Variants in USP37 observed in about 807,000 individuals in gnomAD.
USP37 encodes ubiquitin specific peptidase 37, also known as ubiquitin carboxyl-terminal hydrolase 37.
USP37 carries 27 observed loss-of-function variants against 124.0 expected under a neutral mutation model. That is an observed-to-expected ratio of 0.22 (90% CI 0.16 to 0.30). USP37 has a LOEUF of 0.30. USP37 is among the 10% of genes least tolerant of loss of function. USP37 has a pLI of 1.00. For missense variants in USP37, 889 were observed against 1,140.4 expected, an observed-to-expected ratio of 0.78 and a Z score of 3.17; for synonymous variants, 365 against 388.0, an observed-to-expected ratio of 0.94 and a Z score of 0.70.
intron 12 of USP37, 30 bp from the exon 13 acceptor site, chr2:218,497,887 C>CAAA: frequency 6.2e-7 from 1 of 1,606,424 alleles, no homozygotes; most frequent in South Asian, 1.1e-5. Context: ...AAAGTTAGCA[C>CAAA]GTTTTACATG....
At chr2:218,552,479 C>A (rs1692720750) in intron 5 of USP37, among the ~76,000 whole-genome samples, 1 of 152,026 alleles carries the variant, frequency 6.6e-6, no homozygotes, top group Non-Finnish European at 1.5e-5. Context: ...CTTTGGCAGG[C>A]CAAGGAAGGT....
rs183065253 is a variant in USP37, at chr2:218,454,831, C to A, written c.*99G>T. On this transcript the variant is annotated 3_prime_UTR_variant, in exon 26 of 26. Transcript: ENST00000258399. Reference sequence around the variant, plus strand: ...GGCCCTGAGCTGTTTGTTGCTCCCGCATCAAGTAGAATTCCAAATTCTCCT... The same window carrying A: ...GGCCCTGAGCTGTTTGTTGCTCCCGAATCAAGTAGAATTCCAAATTCTCCT... The A allele has an allele frequency of 1.9e-6, 3 of 1,547,582 alleles. No homozygotes were observed. Among genetic ancestry groups the A allele is most frequent in the Non-Finnish European group, 2.6e-6 (3 of 1,151,848 alleles).
At position 218,515,732 on chromosome 2, in the gene USP37, A is replaced by G. The variant is rs140188487; in HGVS notation, c.864-5592T>C. Among the ~76,000 whole-genome samples the G allele has an allele frequency of 9.0e-3, 1,370 of 152,344 alleles. 15 individuals carry two copies. Among genetic ancestry groups the G allele is most frequent in the Non-Finnish European group, 0.013 (874 of 68,040 alleles). On this transcript the variant is annotated intron_variant, in intron 10 of 25. Transcript: ENST00000258399. ...TAAACTAAAGAGTTTCTGCACAGCA[A>G]AAGAAACTATCATCAGAGTGAACAG... is the stretch of plus-strand genomic sequence containing the variant.
intron 6 of USP37, among the ~76,000 whole-genome samples, chr2:218,548,028 AT>A (rs1232708797): frequency 1.3e-5 from 2 of 152,226 alleles, no homozygotes; most frequent in African/African-American, 4.8e-5. Flanking sequence ...AGGATAGGAA[AT>A]TTTAAAACTT....
intron 6 of USP37, among the ~76,000 whole-genome samples, chr2:218,549,110 G>T (rs1020917545): frequency 3.9e-5 from 6 of 152,218 alleles, no homozygotes; most frequent in African/African-American, 1.4e-4. Context: ...AATCTCAAGA[G>T]TTATGGTTAT....
chr2:218,508,823 T>C (rs1689822254), intron 11 of USP37, among the ~76,000 whole-genome samples: 1 of 152,194 alleles, frequency 6.6e-6, no homozygotes, highest in African/African-American at 2.4e-5. Flanking sequence ...TGCCAATATA[T>C]GAAGCATATA....
In USP37 at chr2:218,459,819, C is replaced by T; in HGVS notation, c.2614G>A (p.Glu872Lys). ...GCATTTCTTTTCAGTTCCTCAGCTT[C>T]AGCTTCTGTGTACTCCATATCAAAA... Reference protein sequence around the residue: ...DVFDMEYTEAEAEELKRNAET... With the variant: ...DVFDMEYTEAKAEELKRNAET... The change falls in exon 23 of 26, where the codon GAA becomes AAA. Residue 872 changes from glutamate (E) to lysine (K), a missense_variant. By Grantham distance (56) the Glu-to-Lys change is moderately conservative (BLOSUM62 1). Coordinates refer to ENST00000258399, the MANE Select transcript of USP37 (RefSeq NM_020935.3). 4 of 1,613,848 alleles carry T rather than the reference C, an allele frequency of 2.5e-6. No homozygotes were observed. Among genetic ancestry groups the T allele is most frequent in the African/African-American group, 1.3e-5 (1 of 75,036 alleles).
chr2:218,553,421 G>A (rs910099228), intron 5 of USP37, 132 bp downstream of exon 5: 1 of 805,326 alleles, frequency 1.2e-6, no homozygotes, highest in African/African-American at 1.8e-5. Context: ...TTGAATTTCA[G>A]GAATAAATCT....
At chr2:218,550,992 A>T (rs1180543919) in intron 5 of USP37, among the ~76,000 whole-genome samples, 1 of 152,060 alleles carries the variant, frequency 6.6e-6, no homozygotes, top group Non-Finnish European at 1.5e-5. Flanking sequence ...TTTATGTAAC[A>T]CCCAGAAAAG....
chr2:218,545,125 AG>A (rs2106042354), intron 8 of USP37, among the ~76,000 whole-genome samples: 2 of 152,336 alleles, frequency 1.3e-5, no homozygotes, highest in East Asian at 3.9e-4. Flanking sequence ...CAGTGGCTGT[AG>A]GGGCAAACTA....
intron 22 of USP37, among the ~76,000 whole-genome samples, chr2:218,461,985 C>T (rs1690036180): frequency 6.6e-6 from 1 of 152,110 alleles, no homozygotes; most frequent in Non-Finnish European, 1.5e-5. Flanking sequence ...GGTGAAACCT[C>T]ATCTCTACTA....
At position 218,474,790 on chromosome 2, in the gene USP37, C is replaced by G. The variant is rs1278561743; in HGVS notation, c.2139G>C (p.Leu713Phe). ...GTGAAGCATCTCTCTTACTTATCTC[C>G]AAGACAGCTGCTAGAAGCTCTTCTT... ...MSEEELLAAV[L>F]EISKRDASPS... Residue 713 changes from leucine (L) to phenylalanine (F), a missense_variant, in exon 20 of 26, where the codon TTG becomes TTC. Physicochemically the swap from Leu to Phe is conservative, Grantham distance 22. This residue lies in a region of USP37 where 504 missense variants were observed against 714.3 expected (regional missense o/e 0.71). Transcript: ENST00000258399. 1 of 1,614,002 alleles carries G rather than the reference C, an allele frequency of 6.2e-7. No individual in the cohort carries two copies. The highest frequency in any genetic ancestry group is 2.2e-5 in the East Asian group (1 of 44,888).
chr2:218,566,309 G>GGC (rs761741072), intron 1 of USP37, among the ~76,000 whole-genome samples: 2 of 152,152 alleles, frequency 1.3e-5, no homozygotes, highest in Non-Finnish European at 2.9e-5. Context: ...AAAGCAATGT[G>GGC]GCTACAGTTT....
intron 11 of USP37, among the ~76,000 whole-genome samples, chr2:218,502,215 T>C (rs1053946388): frequency 2.0e-5 from 3 of 151,992 alleles, no homozygotes; most frequent in African/African-American, 7.2e-5. Context: ...CTACTTAAAA[T>C]ATGCTCTACA....
intron 4 of USP37, among the ~76,000 whole-genome samples, chr2:218,554,598 G>T (rs1574961084): frequency 1.3e-5 from 2 of 152,096 alleles, no homozygotes; most frequent in South Asian, 4.1e-4. Context: ...AAGACAAAAA[G>T]TAGCCAGGCA....
At chr2:218,567,435 CAT>C (rs1205810370) in intron 1 of USP37, among the ~76,000 whole-genome samples, 1 of 152,164 alleles carries the variant, frequency 6.6e-6, no homozygotes, top group East Asian at 1.9e-4. Flanking sequence ...ATGACAAACA[CAT>C]ACACACACCG....
chr2:218,478,967 T>C (rs1448292062), intron 18 of USP37, among the ~76,000 whole-genome samples: 2 of 152,186 alleles, frequency 1.3e-5, no homozygotes, highest in East Asian at 1.9e-4. Context: ...AAAATGTCTC[T>C]TCTCTAAAAG....
intron 22 of USP37, among the ~76,000 whole-genome samples, chr2:218,461,397 T>C (rs761629993): frequency 6.6e-6 from 1 of 151,930 alleles, no homozygotes; most frequent in Admixed American, 6.6e-5. Context: ...TCCCAGCTAC[T>C]TGGGAGGCTG....
At chr2:218,543,792 C>A (rs373847455) in intron 8 of USP37, among the ~76,000 whole-genome samples, 1 of 151,796 alleles carries the variant, frequency 6.6e-6, no homozygotes, top group African/African-American at 2.4e-5. Flanking sequence ...GGCAACACAG[C>A]GAGACTCCGT....
Sources: gnomAD v4.1 joint callset for allele counts (sites outside exome capture counted in the v4.1 genomes callset) on GRCh38, gnomAD v4.1.1 for gene constraint, gnomAD v4.1.1 regional missense constraint, MANE v1.5 for transcripts, NCBI Gene and HGNC (gene_info 2026-07-23, HGNC 2026-07-21) for gene names.